DNMT3B: variants seen among roughly 807,000 people sequenced by gnomAD.
DNMT3B encodes DNA (cytosine-5)-methyltransferase 3B.
Under a neutral mutation model 120.2 loss-of-function variants are expected in DNMT3B, and 37 were observed. The observed-to-expected ratio is 0.31, with a 90% CI of 0.24 to 0.40. The LOEUF is 0.40. Among genes scored for constraint, DNMT3B ranks in the 10% least tolerant of loss-of-function variants. The pLI is 1.00. For missense variants in DNMT3B, 878 were observed against 1,137.3 expected (o/e 0.77, Z 3.28); for synonymous variants, 412 against 442.8 (o/e 0.93, Z 0.87).
chr20:32,780,941 TC>T (rs1239457505), intron 2 of DNMT3B, among the ~76,000 whole-genome samples: 2 of 152,304 alleles, frequency 1.3e-5, no homozygotes, highest in African/African-American at 4.8e-5. Flanking sequence ...CCATGGAACT[TC>T]CTGCGAGCGT....
intron 8 of DNMT3B, 58 bp downstream of exon 8, chr20:32,791,766 C>A: frequency 6.3e-7 from 1 of 1,581,666 alleles, no homozygotes; most frequent in Non-Finnish European, 8.7e-7. Context: ...AAGCAAGAGA[C>A]CCACAGAAAC....
At chr20:32,795,291 C>A in intron 10 of DNMT3B, 118 bp from the exon 11 acceptor site, 1 of 1,506,286 alleles carries the variant, frequency 6.6e-7, no homozygotes, top group Non-Finnish European at 9.2e-7. Context: ...TCAGTGTGGA[C>A]CCCCTGTCAT....
rs549638831 is a variant in DNMT3B at position 32,794,157 on chromosome 20, C to T, written c.1126+562C>T. Reference sequence around the variant, plus strand: ...GCAGATTGCTTGAGCTCAGGAGTTCCAAGACCAGCCTGGGCAACAGGATGT... The same window carrying T: ...GCAGATTGCTTGAGCTCAGGAGTTCTAAGACCAGCCTGGGCAACAGGATGT... On this transcript the variant is annotated intron_variant, in intron 10 of 22. Transcript: ENST00000328111. 2.4e-3 allele frequency among the ~76,000 whole-genome samples: 367 copies of T among 151,736 alleles called. 1 individual carries two copies. Among genetic ancestry groups the T allele is most frequent in the African/African-American group, 7.3e-3 (303 of 41,372 alleles).
rs1555839333 is a variant in DNMT3B at position 32,796,879 on chromosome 20, C to T, written c.1377+10C>T. On this transcript the variant is annotated intron_variant, in intron 13 of 22. Coordinates refer to ENST00000328111, the MANE Select transcript of DNMT3B (RefSeq NM_006892.4). ...CTGTCAGACATGCCGGGTAAGTCCT[C>T]CTACTACTGCCCTGGACCTTCCTCC... 4 of 1,614,174 alleles carry T rather than the reference C, an allele frequency of 2.5e-6. No homozygotes were observed. In the Admixed American group the frequency reaches 6.7e-5, roughly 27 times the overall value.
At chr20:32,796,930 C>T in intron 13 of DNMT3B, 61 bp downstream of exon 13, 2 of 1,614,148 alleles carry the variant, frequency 1.2e-6, no homozygotes, top group African/African-American at 1.3e-5. Flanking sequence ...CTCCCCTCTC[C>T]TTCCCAACAG....
intron 21 of DNMT3B, 104 bp downstream of exon 21, chr20:32,805,511 G>C: frequency 7.5e-7 from 1 of 1,340,130 alleles, no homozygotes; most frequent in Non-Finnish European, 1.1e-6. Flanking sequence ...CTCCCCCCAC[G>C]TGACTTCCTG....
chr20:32,791,523 C>T lies in DNMT3B; in HGVS notation c.814-78C>T, dbSNP rs546831719. On this transcript the variant is annotated intron_variant, in intron 7 of 22. Coordinates refer to ENST00000328111, the MANE Select transcript of DNMT3B (RefSeq NM_006892.4). ...TAAAGTGTGTGAAAATCTTCTGCAT[C>T]TGATGGACAACATTGTGATAGACAT... 1.7e-4 allele frequency: 240 copies of T among 1,387,318 alleles called. 2 individuals carry two copies. The Middle Eastern group carries it at 2.1e-3, about 12-fold the overall frequency. The allele number at this position is 1,387,318 out of a possible 1,614,324, so 85.9% of individuals were successfully genotyped here.
chr20:32,762,508 G>A lies in DNMT3B; in HGVS notation c.-198G>A. 3.6e-6 allele frequency: 1 copy of A among 280,976 alleles called. No homozygotes were observed. The highest frequency in any genetic ancestry group is 7.4e-6 in the Non-Finnish European group (1 of 135,238). The allele number at this position is 280,976 out of a possible 1,614,324, so 17.4% of individuals were successfully genotyped here. On this transcript the variant is annotated 5_prime_UTR_variant, in exon 1 of 23. Transcript: ENST00000328111. The stretch of plus-strand genomic sequence containing the variant: ...GACGGACGGGACCGGCTCCCTGGCG[G>A]TCGGGCGAGCGGGCGGCAACGCTGC...
intron 6 of DNMT3B, among the ~76,000 whole-genome samples, chr20:32,788,099 T>C (rs1222014150): frequency 6.6e-6 from 1 of 152,158 alleles, no homozygotes; most frequent in African/African-American, 2.4e-5. Context: ...TCACTTCTTT[T>C]GTGATTCTTC....
intron 1 of DNMT3B, among the ~76,000 whole-genome samples, chr20:32,770,447 A>C (rs6087995): frequency 0.62 from 92,427 of 149,866 alleles, 31,258 homozygotes; most frequent in East Asian, 0.99. Flanking sequence ...TGCCACCACC[A>C]CCAGCTAATT....
intron 3 of DNMT3B, among the ~76,000 whole-genome samples, chr20:32,782,923 A>AT (rs879655920): frequency 4.0e-5 from 6 of 151,190 alleles, no homozygotes; most frequent in South Asian, 2.1e-4. Context: ...TGAAATGGGT[A>AT]TTTTTTTTTA....
chr20:32,802,377 C>T lies in DNMT3B; in HGVS notation c.2146-8C>T, dbSNP rs1454634468. 1 of 1,614,092 alleles carries T rather than the reference C, an allele frequency of 6.2e-7. No individual in the cohort carries two copies. The highest frequency in any genetic ancestry group is 8.5e-7 in the Non-Finnish European group (1 of 1,179,954). ...GGCTCCTAACAGTAACCTTCTTTCT[C>T]CCCACAGTGTAATCCAGTGATGATT... On this transcript the variant is annotated splice_polypyrimidine_tract_variant and splice_region_variant and intron_variant, in intron 19 of 22. Transcript: ENST00000328111.
chr20:32,787,753 G>A (rs1335471522), intron 6 of DNMT3B, among the ~76,000 whole-genome samples: 1 of 152,170 alleles, frequency 6.6e-6, no homozygotes, highest in Admixed American at 6.5e-5. Context: ...GTACGCCCGT[G>A]TGAAGAGACC....
At position 32,808,702 on chromosome 20, in the gene DNMT3B, A is replaced by G. The variant is rs1982220348; in HGVS notation, c.*799A>G. 1 of 229,326 alleles carries G rather than the reference A, an allele frequency of 4.4e-6. No homozygotes were observed. Among genetic ancestry groups the G allele is most frequent in the Non-Finnish European group, 8.6e-6 (1 of 115,660 alleles). 14.2% of individuals were successfully genotyped at this position (229,326 alleles called of 1,614,324 possible). ...TGAGTTCTATAATATAAGCTGCCAT[A>G]TATTTTGTAGACAAGTATGGCTCCT... On this transcript the variant is annotated 3_prime_UTR_variant, in exon 23 of 23. Coordinates refer to ENST00000328111, the MANE Select transcript of DNMT3B (RefSeq NM_006892.4).
intron 1 of DNMT3B, among the ~76,000 whole-genome samples, chr20:32,764,651 G>A (rs1298918031): frequency 6.6e-6 from 1 of 152,112 alleles, no homozygotes; most frequent in Non-Finnish European, 1.5e-5. Flanking sequence ...TCCCGGCCAC[G>A]CATGGGGGCC....
chr20:32,775,050 G>T (rs1988000069), intron 1 of DNMT3B, among the ~76,000 whole-genome samples: 1 of 152,052 alleles, frequency 6.6e-6, no homozygotes, highest in South Asian at 2.1e-4. Flanking sequence ...TAGAGATGGG[G>T]TTTCACCATG....
intron 1 of DNMT3B, among the ~76,000 whole-genome samples, chr20:32,764,029 G>A (rs988772595): frequency 3.3e-5 from 5 of 152,156 alleles, no homozygotes; most frequent in African/African-American, 1.2e-4. Flanking sequence ...TTCCAGAGTT[G>A]AGATGATGGT....
At chr20:32,786,268 C>T (rs1346184881) in intron 4 of DNMT3B, among the ~76,000 whole-genome samples, 1 of 152,234 alleles carries the variant, frequency 6.6e-6, no homozygotes, top group African/African-American at 2.4e-5. Context: ...AGAGCAGGAC[C>T]TGCTGGGAAT....
chr20:32,788,539 C>T (rs1448918483), intron 6 of DNMT3B, among the ~76,000 whole-genome samples: 2 of 152,126 alleles, frequency 1.3e-5, no homozygotes, highest in Admixed American at 6.5e-5. Flanking sequence ...TGGCCTCAAG[C>T]GATCCTCCTA....
Sources: gnomAD v4.1 joint callset for allele counts (sites outside exome capture counted in the v4.1 genomes callset) on GRCh38, gnomAD v4.1.1 for gene constraint, MANE v1.5 for transcripts, NCBI Gene and HGNC (gene_info 2026-07-23, HGNC 2026-07-21) for gene names.